CACNA1A: variants seen among roughly 807,000 people sequenced by gnomAD.
The protein encoded by CACNA1A is voltage-dependent P/Q-type calcium channel subunit alpha-1A.
CACNA1A carries 57 observed loss-of-function variants against 262.4 expected under a neutral mutation model. That is an observed-to-expected ratio of 0.22 (90% CI 0.18 to 0.27). The LOEUF (loss-of-function observed/expected upper bound fraction) is 0.27. Ranked by LOEUF, CACNA1A falls within the 10% of genes least tolerant of loss-of-function variation. The probability of loss-of-function intolerance (pLI) is 1.00; values close to 1 mark genes in which losing one functional copy is unlikely to be tolerated. For missense variants in CACNA1A, 2,526 were observed against 3,562.8 expected, an observed-to-expected ratio of 0.71 and a Z score of 7.41; for synonymous variants, 1,431 against 1,419.3, an observed-to-expected ratio of 1.01 and a Z score of -0.18.
chr19:13,428,270 A>G (rs1011799165), intron 3 of CACNA1A, among the ~76,000 whole-genome samples: 7 of 152,190 alleles, frequency 4.6e-5, no homozygotes, highest in Admixed American at 1.3e-4. Flanking sequence ...TAAATGGGTT[A>G]ATATTTGTAA....
intron 23 of CACNA1A, 122 bp from the exon 24 acceptor site, chr19:13,276,078 G>A (rs1473567869): frequency 8.7e-5 from 56 of 643,680 alleles, no homozygotes; most frequent in Non-Finnish European, 2.8e-6. Flanking sequence ...TCATCTTGCA[G>A]GGATGGGCAG....
chr19:13,334,089 C>G, intron 8 of CACNA1A: 1 of 331,124 alleles, frequency 3.0e-6, no homozygotes, highest in Non-Finnish European at 5.6e-6. Context: ...GCTGAGGAAA[C>G]GGAGGTACAG....
At chr19:13,440,262 C>A (rs2144874759) in intron 3 of CACNA1A, among the ~76,000 whole-genome samples, 1 of 152,328 alleles carries the variant, frequency 6.6e-6, no homozygotes, top group South Asian at 2.1e-4. Flanking sequence ...CTGCGCCTGG[C>A]CCTGGTTGTT....
chr19:13,358,399 C>T (rs1170959652), intron 6 of CACNA1A, among the ~76,000 whole-genome samples: 1 of 152,180 alleles, frequency 6.6e-6, no homozygotes, highest in Non-Finnish European at 1.5e-5. Flanking sequence ...AACCCTGTCT[C>T]TACAAAAATT....
chr19:13,506,124 C>T lies in CACNA1A; in HGVS notation c.101G>A (p.Gly34Glu), dbSNP rs1396213397. ...GGGCTGCCCGCCCTGCCGGCTGCCC[C>T]CGGCTCCTCGCCCGCCTCCGCTGCC... ...VVGSGGGRGA[G>E]GSRQGGQPGA... The change falls in exon 1 of 47, where the codon GGG (glycine) becomes GAG (glutamate). Residue 34 changes from glycine to glutamate, a missense_variant. Gly to Glu is a moderately conservative substitution (Grantham distance 98). Coordinates refer to ENST00000360228, the MANE Select transcript of CACNA1A (RefSeq NM_001127222.2). 1 of 1,606,148 alleles carries T rather than the reference C, an allele frequency of 6.2e-7. No homozygotes were observed. Among genetic ancestry groups the T allele is most frequent in the Non-Finnish European group, 8.5e-7 (1 of 1,176,698 alleles).
In CACNA1A at chr19:13,425,827, G is replaced by A. The variant is rs186737415; in HGVS notation, c.539+27049C>T. ...TCCCAGCACTTTGGGGGGCCGAGGC[G>A]GGTTGATCACTTGAGGTCAGGAGTT... On this transcript the variant is annotated intron_variant, in intron 3 of 46. Coordinates refer to ENST00000360228, the MANE Select transcript of CACNA1A (RefSeq NM_001127222.2). 4.6e-4 allele frequency among the ~76,000 whole-genome samples: 70 copies of A among 152,200 alleles called. 1 individual carries two copies. Among genetic ancestry groups the A allele is most frequent in the African/African-American group, 1.5e-3 (63 of 41,520 alleles).
At position 13,277,063 on chromosome 19, in the gene CACNA1A, A is replaced by G; in HGVS notation, c.3882+6T>C. On this transcript the variant is annotated splice_donor_region_variant and intron_variant, in intron 23 of 46. Transcript: ENST00000360228. ...CCGTGTGTTCTCACTTATAATCTGC[A>G]CTCACCTTGATCACCATCTCAAAGG... 6.2e-7 allele frequency: 1 copy of G among 1,603,260 alleles called. No individual in the cohort carries two copies. The highest frequency in any genetic ancestry group is 8.5e-7 in the Non-Finnish European group (1 of 1,170,410).
intron 6 of CACNA1A, among the ~76,000 whole-genome samples, chr19:13,345,553 A>G (rs1568555793): frequency 6.6e-6 from 1 of 152,174 alleles, no homozygotes; most frequent in African/African-American, 2.4e-5. Context: ...CTTCTGTTTT[A>G]TGGTTTATTT....
At chr19:13,333,472 T>C (rs968701008) in intron 8 of CACNA1A, among the ~76,000 whole-genome samples, 3 of 152,134 alleles carry the variant, frequency 2.0e-5, no homozygotes. Context: ...TCTCACTCTG[T>C]TGCCCAGGCT....
chr19:13,209,421 C>G lies in CACNA1A; in HGVS notation c.6417G>C (p.Ser2139=). The G allele has an allele frequency of 7.2e-7, 1 of 1,389,504 alleles. No homozygotes were observed. The highest frequency in any genetic ancestry group is 1.8e-5 in the South Asian group (1 of 55,212). The allele number at this position is 1,389,504 out of a possible 1,614,324, so 86.1% of individuals were successfully genotyped here. ...GPKARRLDDY[S]LERVPPEENQ... ...TCTCCTCGGGCGGGACCCGCTCCAG[C>G]GAGTAATCGTCCAGGCGTCGGGCCT... The change falls in exon 45 of 47, where the codon TCG becomes TCC. Residue 2139 remains serine, a synonymous_variant. Coordinates refer to ENST00000360228, the MANE Select transcript of CACNA1A (RefSeq NM_001127222.2).
At chr19:13,347,114 G>A (rs535416308) in intron 6 of CACNA1A, among the ~76,000 whole-genome samples, 1 of 147,630 alleles carries the variant, frequency 6.8e-6, no homozygotes, top group South Asian at 2.2e-4. Context: ...GGGCTGGAGT[G>A]CAGTGGCATG....
At chr19:13,379,698 G>A (rs1360842481) in intron 3 of CACNA1A, among the ~76,000 whole-genome samples, 4 of 152,050 alleles carry the variant, frequency 2.6e-5, no homozygotes, top group Non-Finnish European at 5.9e-5. Flanking sequence ...GGCCAAGGCT[G>A]GCGGATCACA....
rs570186590 is a variant in CACNA1A, at chr19:13,231,573, C to T, written c.5400+137G>A. 3 of 878,024 alleles carry T rather than the reference C, an allele frequency of 3.4e-6. No homozygotes were observed. The African/African-American group carries it at 5.1e-5, about 15-fold the overall frequency. The allele number at this position is 878,024 out of a possible 1,614,324, so 54.4% of individuals were successfully genotyped here. On this transcript the variant is annotated intron_variant, in intron 35 of 46. Coordinates refer to ENST00000360228, the MANE Select transcript of CACNA1A (RefSeq NM_001127222.2). ...GCTGAGTTTGAGACGCTCAGGGTCACCTGATCCCAGGCTGGTTCAGAGAAG... is the reference window on the plus strand; with the variant it reads ...GCTGAGTTTGAGACGCTCAGGGTCATCTGATCCCAGGCTGGTTCAGAGAAG...
At chr19:13,352,980 C>T (rs1417508912) in intron 6 of CACNA1A, among the ~76,000 whole-genome samples, 3 of 151,898 alleles carry the variant, frequency 2.0e-5, no homozygotes, top group African/African-American at 7.3e-5. Context: ...GCCATGTTGG[C>T]CAGGCTGGTC....
At chr19:13,397,324 C>T (rs2059826514) in intron 3 of CACNA1A, among the ~76,000 whole-genome samples, 1 of 152,074 alleles carries the variant, frequency 6.6e-6, no homozygotes, top group Non-Finnish European at 1.5e-5. Flanking sequence ...CTTGCTTCAC[C>T]CCATTGTAAG....
intron 3 of CACNA1A, among the ~76,000 whole-genome samples, chr19:13,434,630 C>T (rs1461196798): frequency 3.9e-5 from 6 of 152,114 alleles, no homozygotes; most frequent in Non-Finnish European, 8.8e-5. Flanking sequence ...TGTGAGGACA[C>T]CTGCTCCAGC....
rs1381984621 is a variant in CACNA1A at position 13,240,171 on chromosome 19, CGAGA to C, written c.4951-4445_4951-4442del. 4.0e-4 allele frequency among the ~76,000 whole-genome samples: 57 copies of C among 143,218 alleles called. 1 individual carries two copies. Among genetic ancestry groups the C allele is most frequent in the East Asian group, 6.1e-4 (3 of 4,926 alleles). 94.0% of individuals were successfully genotyped at this position (143,218 alleles called of 152,430 possible). A position where few individuals can be genotyped will look rare whatever the true frequency, so the allele number is the denominator to read the frequency against. ...GTCTAAAAAAAAAAAAAAAAAAGAGCGAGAGAGAGAGAGAATTGGAGAATGAGTG... is the reference window on the plus strand; with the variant it reads ...GTCTAAAAAAAAAAAAAAAAAAGAGCGAGAGAGAGAATTGGAGAATGAGTG... On this transcript the variant is annotated intron_variant, in intron 31 of 46. Transcript: ENST00000360228.
At chr19:13,294,170 A>G (rs2057607538) in intron 19 of CACNA1A, among the ~76,000 whole-genome samples, 1 of 150,302 alleles carries the variant, frequency 6.7e-6, no homozygotes, top group Non-Finnish European at 1.5e-5. Flanking sequence ...TGCTACTGCA[A>G]TCCAACCTGG....
At chr19:13,497,385 C>T (rs1377256259) in intron 1 of CACNA1A, among the ~76,000 whole-genome samples, 1 of 142,838 alleles carries the variant, frequency 7.0e-6, no homozygotes, top group African/African-American at 2.6e-5. Flanking sequence ...TAGAAACATC[C>T]CAAATGCCCA....
Sources: allele counts gnomAD v4.1 joint callset (sites outside exome capture counted in the v4.1 genomes callset), GRCh38; gene constraint gnomAD v4.1.1; transcripts MANE v1.5; gene names NCBI Gene and HGNC (gene_info 2026-07-23, HGNC 2026-07-21).